The following PPFIA2 variants were observed in gnomAD, a reference collection of about 807,000 sequenced individuals.
PPFIA2 encodes PPFI scaffold protein A2.
A neutral mutation model predicts 175.5 loss-of-function variants in PPFIA2; 46 were observed. The ratio of observed to expected loss-of-function variants is 0.26; its 90% CI spans 0.21 to 0.34. The LOEUF is 0.34. Among genes scored for constraint, PPFIA2 ranks in the 10% least tolerant of loss-of-function variants. PPFIA2 has a pLI of 1.00. For synonymous variants in PPFIA2, 568 were observed against 511.4 expected, an observed-to-expected ratio of 1.11 and a Z score of -1.49; for missense variants, 1,179 against 1,506.1, an observed-to-expected ratio of 0.78 and a Z score of 3.60.
At chr12:81,272,395 T>G (rs937816453) in intron 28 of PPFIA2, among the ~76,000 whole-genome samples, 4 of 152,208 alleles carry the variant, frequency 2.6e-5, no homozygotes, top group Admixed American at 1.3e-4. Context: ...TTTTGTTTCT[T>G]GTCATATGTG....
chr12:81,344,739 T>A, intron 18 of PPFIA2, 46 bp from the exon 19 acceptor site: 1 of 1,397,598 alleles, frequency 7.2e-7, no homozygotes, highest in East Asian at 2.5e-5. Context: ...TAATTAAGAA[T>A]TAACAATCAT....
At chr12:81,646,997 A>C (rs1445063217) in intron 4 of PPFIA2, among the ~76,000 whole-genome samples, 1 of 151,586 alleles carries the variant, frequency 6.6e-6, no homozygotes, top group Non-Finnish European at 1.5e-5. Context: ...ATTCAGGATG[A>C]TGACACTTTC....
intron 4 of PPFIA2, among the ~76,000 whole-genome samples, chr12:81,501,531 G>C (rs1383782504): frequency 1.3e-5 from 2 of 151,960 alleles, no homozygotes; most frequent in African/African-American, 4.8e-5. Flanking sequence ...TTGTATTACA[G>C]AGCCTTAAAA....
intron 7 of PPFIA2, among the ~76,000 whole-genome samples, chr12:81,427,182 A>G (rs541797607): frequency 1.3e-5 from 2 of 152,208 alleles, no homozygotes; most frequent in South Asian, 2.1e-4. Context: ...TGAGGAAACT[A>G]TACCAGTTTT....
chr12:81,460,418 C>T (rs112175734), intron 4 of PPFIA2, among the ~76,000 whole-genome samples: 10,202 of 152,090 alleles, frequency 0.067, 484 homozygotes, highest in African/African-American at 0.14. Flanking sequence ...TACCCAGTCT[C>T]GGGTATGTCT....
At chr12:81,571,863 G>A (rs2072608949) in intron 4 of PPFIA2, among the ~76,000 whole-genome samples, 1 of 152,026 alleles carries the variant, frequency 6.6e-6, no homozygotes, top group Non-Finnish European at 1.5e-5. Context: ...TAGGTATTAA[G>A]AATTGAATAA....
intron 3 of PPFIA2, among the ~76,000 whole-genome samples, chr12:81,717,148 A>T (rs1166124279): frequency 6.6e-6 from 1 of 151,718 alleles, no homozygotes; most frequent in Non-Finnish European, 1.5e-5. Flanking sequence ...TGTTGCAACT[A>T]TTCAAATTTG....
intron 4 of PPFIA2, chr12:81,506,201 A>C (rs1441381010): frequency 6.6e-6 from 1 of 152,200 alleles, no homozygotes; most frequent in African/African-American, 2.4e-5. Flanking sequence ...TATTTCTACA[A>C]AGACCTCAGT....
chr12:81,299,522 T>C (rs1046984236), intron 22 of PPFIA2, 140 bp from the exon 23 acceptor site: 122 of 1,152,314 alleles, frequency 1.1e-4, no homozygotes, highest in Non-Finnish European at 1.3e-4. Flanking sequence ...GAATTCCTTA[T>C]TCCTTTGAGT....
chr12:81,640,257 A>G (rs944925573), intron 4 of PPFIA2, among the ~76,000 whole-genome samples: 54 of 152,224 alleles, frequency 3.5e-4, no homozygotes, highest in African/African-American at 1.3e-3. Context: ...TATACGATAC[A>G]TTGCAATGTG....
chr12:81,272,232 G>C lies in PPFIA2; in HGVS notation c.3311-4145C>G, dbSNP rs538936147. On this transcript the variant is annotated intron_variant, in intron 28 of 32. Coordinates refer to ENST00000549396, the MANE Select transcript of PPFIA2 (RefSeq NM_003625.5). ...CGCTTTTATTTTTAATCTCACTTGGGGTCCATCGAGAACCTTGAGTCTGTG... is the reference window on the plus strand; with the variant it reads ...CGCTTTTATTTTTAATCTCACTTGGCGTCCATCGAGAACCTTGAGTCTGTG... 2.0e-5 allele frequency among the ~76,000 whole-genome samples: 3 copies of C among 151,296 alleles called. No individual in the cohort carries two copies. The East Asian group carries it at 5.8e-4, about 29-fold the overall frequency.
intron 22 of PPFIA2, among the ~76,000 whole-genome samples, chr12:81,320,586 T>G (rs895479994): frequency 2.6e-5 from 4 of 152,068 alleles, no homozygotes; most frequent in Non-Finnish European, 5.9e-5. Flanking sequence ...ATTCGTATGA[T>G]ATCTTTCAAC....
intron 4 of PPFIA2, among the ~76,000 whole-genome samples, chr12:81,507,258 T>G (rs969756205): frequency 2.0e-5 from 3 of 152,326 alleles, no homozygotes; most frequent in East Asian, 1.9e-4. Context: ...AGTTGTTTTA[T>G]TATATCTAAA....
intron 3 of PPFIA2, among the ~76,000 whole-genome samples, chr12:81,731,980 T>C (rs2080971884): frequency 6.6e-6 from 1 of 151,436 alleles, no homozygotes; most frequent in Non-Finnish European, 1.5e-5. Flanking sequence ...AAAGAAAGCA[T>C]GATGAAAAGA....
intron 5 of PPFIA2, among the ~76,000 whole-genome samples, chr12:81,449,883 T>G (rs2052150799): frequency 6.8e-6 from 1 of 147,172 alleles, no homozygotes; most frequent in Admixed American, 7.0e-5. Context: ...AGTGAAAACA[T>G]GCGGTGTTTG....
At chr12:81,596,718 G>A (rs2059287621) in intron 4 of PPFIA2, among the ~76,000 whole-genome samples, 1 of 152,078 alleles carries the variant, frequency 6.6e-6, no homozygotes, top group South Asian at 2.1e-4. Context: ...TCATATCTCA[G>A]TGTACAGAGG....
At chr12:81,467,848 G>A (rs950798469) in intron 4 of PPFIA2, among the ~76,000 whole-genome samples, 1 of 152,170 alleles carries the variant, frequency 6.6e-6, no homozygotes, top group Admixed American at 6.5e-5. Flanking sequence ...GTTAAAGCCT[G>A]AAGTCTTTCA....
In PPFIA2 at chr12:81,667,600, A is replaced by T. The variant is rs536332811; in HGVS notation, c.303+9191T>A. 1.4e-4 allele frequency among the ~76,000 whole-genome samples: 21 copies of T among 152,242 alleles called. No individual in the cohort carries two copies. In the South Asian group the frequency reaches 4.1e-3, roughly 30 times the overall value. On this transcript the variant is annotated intron_variant, in intron 4 of 32. Coordinates refer to ENST00000549396, the MANE Select transcript of PPFIA2 (RefSeq NM_003625.5). ...TTCAAACAAGCAACTACAATCAAGT[A>T]ACAGATCCCAAATAAATAATACCTT... is the stretch of plus-strand genomic sequence containing the variant.
chr12:81,286,054 T>A (rs1035797635), intron 24 of PPFIA2, among the ~76,000 whole-genome samples: 1 of 152,010 alleles, frequency 6.6e-6, no homozygotes, highest in Non-Finnish European at 1.5e-5. Context: ...TTTTTGTGTT[T>A]GTGTCTTAGT....
Sources: gnomAD v4.1 joint callset for allele counts (sites outside exome capture counted in the v4.1 genomes callset) on GRCh38, gnomAD v4.1.1 for gene constraint, MANE v1.5 for transcripts, NCBI Gene and HGNC (gene_info 2026-07-23, HGNC 2026-07-21) for gene names.